DHX15: variants seen among roughly 807,000 people sequenced by gnomAD.
The protein encoded by DHX15 is DEAH-box helicase 15.
Under a neutral mutation model 94.4 loss-of-function variants are expected in DHX15, and 11 were observed. That is an observed-to-expected ratio of 0.12 (90% CI 0.07 to 0.19). DHX15 has a LOEUF of 0.19. Ranked by LOEUF, DHX15 falls within the 10% of genes least tolerant of loss-of-function variation. The pLI is 1.00. For missense variants in DHX15, 304 were observed against 988.5 expected (o/e 0.31, Z 9.29); for synonymous variants, 338 against 329.9 (o/e 1.02, Z -0.27).
intron 1 of DHX15, chr4:24,580,866 G>A (rs1722396315): frequency 6.6e-6 from 1 of 151,772 alleles, no homozygotes; most frequent in Non-Finnish European, 1.5e-5. Flanking sequence ...AACCTCTCAA[G>A]GATGTGTGCA....
chr4:24,565,331 A>T (rs1721969104), intron 3 of DHX15, among the ~76,000 whole-genome samples: 4 of 152,232 alleles, frequency 2.6e-5, no homozygotes, highest in Admixed American at 2.6e-4. Context: ...TTCTAGGGTG[A>T]CCACAGTAAC....
chr4:24,576,705 T>C (rs1722275352), intron 1 of DHX15, 27 bp from the exon 2 acceptor site: 2 of 1,605,242 alleles, frequency 1.2e-6, no homozygotes, highest in Non-Finnish European at 1.7e-6. Context: ...AGAATTCAGA[T>C]TCTGAATTTT....
chr4:24,549,795 G>A (rs1394868916), intron 5 of DHX15, among the ~76,000 whole-genome samples: 1 of 151,948 alleles, frequency 6.6e-6, no homozygotes, highest in African/African-American at 2.4e-5. Context: ...CAAAAATATG[G>A]TATAAAAGAT....
intron 2 of DHX15, 38 bp downstream of exon 2, chr4:24,576,205 C>T (rs1449678539): frequency 6.5e-7 from 1 of 1,532,116 alleles, no homozygotes; most frequent in Non-Finnish European, 9.0e-7. Context: ...TAAACTTAAA[C>T]ATAAATGAAA....
chr4:24,581,564 C>A (rs1722416927), intron 1 of DHX15, among the ~76,000 whole-genome samples: 2 of 152,152 alleles, frequency 1.3e-5, no homozygotes, highest in Non-Finnish European at 2.9e-5. Context: ...ATAAACATTT[C>A]TTATGTTCCC....
rs779186523 is a variant in DHX15, at chr4:24,543,069, A to G, written c.1249-43T>C. 49 of 1,401,824 alleles carry G rather than the reference A, an allele frequency of 3.5e-5. 1 individual carries two copies. In the Middle Eastern group the frequency reaches 5.6e-4, roughly 16 times the overall value. 86.8% of individuals were successfully genotyped at this position (1,401,824 alleles called of 1,614,324 possible). On this transcript the variant is annotated intron_variant, in intron 6 of 13. Coordinates refer to ENST00000336812, the MANE Select transcript of DHX15 (RefSeq NM_001358.3). The stretch of plus-strand genomic sequence containing the variant: ...ATATAAATTATATTACATATCAAAT[A>G]AAATTAACAGGACTGTTAAAGATCA...
intron 2 of DHX15, among the ~76,000 whole-genome samples, chr4:24,571,598 A>G (rs186867468): frequency 2.6e-5 from 4 of 152,348 alleles, no homozygotes. Context: ...TAACTGGAAA[A>G]GAACCATGGG....
chr4:24,541,253 A>AT (rs1721302780), intron 8 of DHX15, among the ~76,000 whole-genome samples: 1 of 152,144 alleles, frequency 6.6e-6, no homozygotes, highest in African/African-American at 2.4e-5. Context: ...AACAGAAAAA[A>AT]TTTTAAAGAT....
intron 10 of DHX15, chr4:24,538,669 C>G (rs1176835950): frequency 6.6e-6 from 1 of 152,100 alleles, no homozygotes; most frequent in Non-Finnish European, 1.5e-5. Context: ...AGTCCATTTA[C>G]ATTGCTGCAC....
intron 3 of DHX15, among the ~76,000 whole-genome samples, chr4:24,559,445 T>C (rs1721816216): frequency 6.6e-6 from 1 of 151,398 alleles, no homozygotes; most frequent in South Asian, 2.1e-4. Flanking sequence ...TGAAACCCTT[T>C]GCTTAACAAC....
In DHX15 at chr4:24,583,953, C is replaced by A. The variant is rs546188145; in HGVS notation, c.71+370G>T. Among the ~76,000 whole-genome samples, 372 of 152,338 alleles carry A rather than the reference C, an allele frequency of 2.4e-3. 2 individuals are homozygous for A. Among genetic ancestry groups the A allele is most frequent in the Non-Finnish European group, 2.2e-3 (152 of 68,032 alleles). ...CGAATACTCCCACCGCGCCCTCCCC[C>A]ACCCTCTCCTCCGGCTCCAGGCCTT... On this transcript the variant is annotated intron_variant, in intron 1 of 13. Transcript: ENST00000336812.
intron 10 of DHX15, chr4:24,538,500 G>T (rs1191866823): frequency 1.3e-5 from 2 of 151,974 alleles, no homozygotes; most frequent in East Asian, 3.9e-4. Flanking sequence ...GCTCTCAAAG[G>T]CCTCTAGATT....
chr4:24,571,986 A>T (rs1466462580), intron 2 of DHX15, among the ~76,000 whole-genome samples: 1 of 152,194 alleles, frequency 6.6e-6, no homozygotes, highest in Non-Finnish European at 1.5e-5. Context: ...TCAGGCTATA[A>T]AGCCTTACTT....
intron 11 of DHX15, 51 bp from the exon 12 acceptor site, chr4:24,533,105 C>T (rs1577331760): frequency 7.0e-7 from 1 of 1,436,674 alleles, no homozygotes; most frequent in Middle Eastern, 1.7e-4. Flanking sequence ...ATCACCCACA[C>T]AGGAATGTTC....
At chr4:24,549,110 TA>T in intron 5 of DHX15, 88 bp from the exon 6 acceptor site, 1 of 1,096,448 alleles carries the variant, frequency 9.1e-7, no homozygotes, top group Non-Finnish European at 1.2e-6. Flanking sequence ...CTGTTTTATG[TA>T]TGCCATCTTC....
intron 3 of DHX15, among the ~76,000 whole-genome samples, chr4:24,569,556 C>T (rs905696201): frequency 2.6e-4 from 34 of 132,448 alleles, no homozygotes; most frequent in African/African-American, 9.0e-4. Flanking sequence ...GGCGCCACTG[C>T]ACTCCAGCCT....
intron 3 of DHX15, among the ~76,000 whole-genome samples, chr4:24,560,358 C>A (rs543637373): frequency 6.6e-6 from 1 of 152,074 alleles, no homozygotes; most frequent in South Asian, 2.1e-4. Context: ...CAGTAAAATT[C>A]CAGCTTGGTT....
At chr4:24,562,812 A>G (rs1419655381) in intron 3 of DHX15, among the ~76,000 whole-genome samples, 1 of 152,212 alleles carries the variant, frequency 6.6e-6, no homozygotes, top group Non-Finnish European at 1.5e-5. Context: ...TCAGAAGTTT[A>G]GAACAAGATG....
chr4:24,570,569 A>C (rs1722100070), intron 3 of DHX15, 85 bp downstream of exon 3: 1 of 1,246,872 alleles, frequency 8.0e-7, no homozygotes, highest in East Asian at 2.4e-5. Context: ...TGGATGACAT[A>C]AGCCTGCACT....
Sources: gnomAD v4.1 joint callset for allele counts (sites outside exome capture counted in the v4.1 genomes callset) on GRCh38, gnomAD v4.1.1 for gene constraint, MANE v1.5 for transcripts, NCBI Gene and HGNC (gene_info 2026-07-23, HGNC 2026-07-21) for gene names.